SKAP2: variants seen among roughly 807,000 people sequenced by gnomAD.
The protein encoded by SKAP2 is src kinase-associated phosphoprotein 2.
Under a neutral mutation model 54.9 loss-of-function variants are expected in SKAP2, and 28 were observed. The observed-to-expected ratio is 0.51, with a 90% CI of 0.38 to 0.70. SKAP2 has a LOEUF of 0.70. Ranked by LOEUF, SKAP2 falls within the 30% of genes least tolerant of loss-of-function variation. The pLI, the probability that SKAP2 is intolerant of heterozygous loss-of-function variation, is 0.00. For synonymous variants in SKAP2, 137 were observed against 134.3 expected (o/e 1.02, Z -0.14); for missense variants, 356 against 424.1 (o/e 0.84, Z 1.41).
chr7:26,679,499 T>C (rs928260578), intron 11 of SKAP2, among the ~76,000 whole-genome samples: 1 of 152,172 alleles, frequency 6.6e-6, no homozygotes, highest in Non-Finnish European at 1.5e-5. Context: ...ACAAACTAAA[T>C]GTCATCGGAG....
intron 4 of SKAP2, among the ~76,000 whole-genome samples, chr7:26,836,827 C>T (rs1206156688): frequency 1.3e-5 from 2 of 152,126 alleles, no homozygotes; most frequent in African/African-American, 4.8e-5. Context: ...CCCAGCAATC[C>T]CAATACTGGG....
At chr7:26,659,182 T>C in the SKAP2 span, among the ~76,000 whole-genome samples, 16 of 152,196 alleles carry the variant, frequency 1.1e-4, no homozygotes, top group Non-Finnish European at 1.6e-4. Flanking sequence ...CCCATTCTAA[T>C]AGTGGATTAT....
At chr7:26,831,393 T>C (rs568505244) in intron 4 of SKAP2, among the ~76,000 whole-genome samples, 5 of 152,322 alleles carry the variant, frequency 3.3e-5, no homozygotes, top group African/African-American at 1.2e-4. Flanking sequence ...ATTGTGTATA[T>C]GGAATCCCTA....
Position 26,864,569 on chromosome 7 carries a change from C to G in SKAP2, c.-140G>C. 7.0e-7 allele frequency: 1 copy of G among 1,421,366 alleles called. No homozygotes were observed. Among genetic ancestry groups the G allele is most frequent in the Non-Finnish European group, 9.2e-7 (1 of 1,088,212 alleles). The allele number at this position is 1,421,366 out of a possible 1,614,324, so 88.0% of individuals were successfully genotyped here. ...GCTACGAGTCGGGACACTGCCGGGCCGGGGCTCACAACAAGGAAGTCACTG... is the reference window on the plus strand; with the variant it reads ...GCTACGAGTCGGGACACTGCCGGGCGGGGGCTCACAACAAGGAAGTCACTG... On this transcript the variant is annotated 5_prime_UTR_variant, in exon 1 of 13. Coordinates refer to ENST00000345317, the MANE Select transcript of SKAP2 (RefSeq NM_003930.5).
At chr7:26,736,092 C>T (rs1000713384) in intron 6 of SKAP2, among the ~76,000 whole-genome samples, 1 of 152,102 alleles carries the variant, frequency 6.6e-6, no homozygotes, top group Admixed American at 6.6e-5. Flanking sequence ...GTGTCAGAGG[C>T]TTTTAAACCA....
intron 4 of SKAP2, among the ~76,000 whole-genome samples, chr7:26,824,567 CT>C (rs145615731): frequency 0.21 from 32,301 of 152,088 alleles, 3,502 homozygotes; most frequent in Non-Finnish European, 0.24. Flanking sequence ...GTTCTAGACA[CT>C]TTGTATACTG....
At position 26,668,099 on chromosome 7, in the gene SKAP2, G is replaced by T. The variant is rs775345382; in HGVS notation, c.*1567C>A. 6.6e-6 allele frequency: 1 copy of T among 151,556 alleles called. No individual in the cohort carries two copies. The highest frequency in any genetic ancestry group is 1.5e-5 in the Non-Finnish European group (1 of 67,912). 9.4% of individuals were successfully genotyped at this position (151,556 alleles called of 1,614,324 possible). A position where few individuals can be genotyped will look rare whatever the true frequency, so the allele number is the denominator to read the frequency against. On this transcript the variant is annotated 3_prime_UTR_variant, in exon 13 of 13. Coordinates refer to ENST00000345317, the MANE Select transcript of SKAP2 (RefSeq NM_003930.5). ...AGATTGGATGATCATGATATTGAGG[G>T]GGTAATGGTAAAGCAGACCCTCTCA...
At chr7:26,854,991 C>T in intron 1 of SKAP2, 101 bp from the exon 2 acceptor site, 2 of 757,492 alleles carry the variant, frequency 2.6e-6, no homozygotes, top group Non-Finnish European at 2.0e-6. Flanking sequence ...AGTGTTAATA[C>T]CTGTACAATT....
At chr7:26,657,215 T>C in the SKAP2 span, among the ~76,000 whole-genome samples, 26 of 152,212 alleles carry the variant, frequency 1.7e-4, no homozygotes, top group African/African-American at 5.8e-4. Context: ...AGCTATATTA[T>C]TTGCCTTAAA....
chr7:26,844,917 T>C (rs888295159), intron 3 of SKAP2, among the ~76,000 whole-genome samples: 2 of 152,150 alleles, frequency 1.3e-5, no homozygotes, highest in African/African-American at 4.8e-5. Context: ...GGCTAATTAA[T>C]CTCCACAAGA....
chr7:26,724,104 T>C (rs1486977298), intron 9 of SKAP2, among the ~76,000 whole-genome samples: 1 of 150,938 alleles, frequency 6.6e-6, no homozygotes, highest in Non-Finnish European at 1.5e-5. Context: ...TATACTTTTA[T>C]ACTAATCTTC....
At chr7:26,771,339 G>T (rs1783184068) in intron 4 of SKAP2, among the ~76,000 whole-genome samples, 1 of 152,104 alleles carries the variant, frequency 6.6e-6, no homozygotes, top group South Asian at 2.1e-4. Flanking sequence ...TTGAACTGTT[G>T]TCCAAATTTA....
intron 4 of SKAP2, among the ~76,000 whole-genome samples, chr7:26,824,576 C>T (rs1403708446): frequency 1.3e-5 from 2 of 152,152 alleles, no homozygotes. Flanking sequence ...ACTTTGTATA[C>T]TGTCTCAATT....
chr7:26,754,586 A>G (rs1043004762), intron 4 of SKAP2, among the ~76,000 whole-genome samples: 1 of 152,240 alleles, frequency 6.6e-6, no homozygotes, highest in Non-Finnish European at 1.5e-5. Context: ...TTACCAGAAC[A>G]ATTTCACCAA....
chr7:26,741,987 C>T (rs903491102), intron 4 of SKAP2, among the ~76,000 whole-genome samples: 1 of 152,046 alleles, frequency 6.6e-6, no homozygotes, highest in East Asian at 1.9e-4. Context: ...AAATAGAGCC[C>T]TGATTTTGAA....
At chr7:26,738,288 G>A (rs967531694) in intron 6 of SKAP2, among the ~76,000 whole-genome samples, 1 of 152,266 alleles carries the variant, frequency 6.6e-6, no homozygotes, top group Admixed American at 6.5e-5. Context: ...CATAGCTAAC[G>A]TACTTAGACA....
At chr7:26,734,834 AG>A (rs1381726081) in intron 6 of SKAP2, among the ~76,000 whole-genome samples, 2 of 152,128 alleles carry the variant, frequency 1.3e-5, no homozygotes, top group African/African-American at 4.8e-5. Context: ...ACCTCCCAAA[AG>A]CCCCAGCTCT....
intron 4 of SKAP2, among the ~76,000 whole-genome samples, chr7:26,776,482 T>A (rs771248915): frequency 3.9e-5 from 6 of 152,108 alleles, no homozygotes; most frequent in Non-Finnish European, 8.8e-5. Context: ...TTCCTTCCTA[T>A]AATCTCTATC....
At chr7:26,681,798 TA>T (rs2128086290) in intron 11 of SKAP2, among the ~76,000 whole-genome samples, 1 of 152,226 alleles carries the variant, frequency 6.6e-6, no homozygotes, top group East Asian at 1.9e-4. Flanking sequence ...TTAGAATCCT[TA>T]AAATGTATTC....
Sources: gnomAD v4.1 joint callset for allele counts (sites outside exome capture counted in the v4.1 genomes callset) on GRCh38, gnomAD v4.1.1 for gene constraint, MANE v1.5 for transcripts, NCBI Gene and HGNC (gene_info 2026-07-23, HGNC 2026-07-21) for gene names.